The following DISC1 variants were observed in gnomAD, a reference collection of about 807,000 sequenced individuals.
The protein encoded by DISC1 is disrupted in schizophrenia 1 protein.
DISC1 carries 57 observed loss-of-function variants against 84.5 expected under a neutral mutation model. The ratio of observed to expected loss-of-function variants is 0.67; its 90% CI spans 0.55 to 0.84. DISC1 has a LOEUF of 0.84. Ranked by LOEUF, DISC1 falls within the 40% of genes least tolerant of loss-of-function variation. The probability of loss-of-function intolerance (pLI) is 0.00; values close to 1 mark genes in which losing one functional copy is unlikely to be tolerated. For synonymous variants in DISC1, 411 were observed against 415.2 expected, an observed-to-expected ratio of 0.99 and a Z score of 0.12; for missense variants, 1,000 against 1,057.8, an observed-to-expected ratio of 0.95 and a Z score of 0.76.
chr1:231,799,396 A>G (rs78322687), intron 7 of DISC1, among the ~76,000 whole-genome samples: 2,517 of 152,214 alleles, frequency 0.017, 84 homozygotes, highest in African/African-American at 0.058. Flanking sequence ...ACTATGTGCC[A>G]GGCACAGAGC....
At chr1:232,004,883 CCCTTCCTT>C (rs1247170763) in intron 10 of DISC1, among the ~76,000 whole-genome samples, 9 of 104,574 alleles carry the variant, frequency 8.6e-5, no homozygotes, top group East Asian at 2.6e-4. Flanking sequence ...CTCCCTCCCT[CCCTTCCTT>C]CCTTCCTTCC....
At chr1:231,681,345 C>T (rs2063668581) in intron 1 of DISC1, among the ~76,000 whole-genome samples, 1 of 151,958 alleles carries the variant, frequency 6.6e-6, no homozygotes, top group East Asian at 1.9e-4. Context: ...CTGTATTGGT[C>T]AGTGGAGAAC....
At chr1:231,777,997 G>C (rs2125505299) in intron 6 of DISC1, among the ~76,000 whole-genome samples, 1 of 152,312 alleles carries the variant, frequency 6.6e-6, no homozygotes, top group African/African-American at 2.4e-5. Flanking sequence ...GCCTTGGACA[G>C]AGTGCTTAGT....
chr1:231,922,233 C>T (rs2090053346), intron 9 of DISC1, among the ~76,000 whole-genome samples: 1 of 152,174 alleles, frequency 6.6e-6, no homozygotes, highest in Non-Finnish European at 1.5e-5. Context: ...ACTTACAGCT[C>T]CTGCTATGAA....
chr1:231,916,169 T>C (rs893367696), intron 9 of DISC1, among the ~76,000 whole-genome samples: 1 of 152,166 alleles, frequency 6.6e-6, no homozygotes, highest in Non-Finnish European at 1.5e-5. Context: ...CTTCTGCAAC[T>C]TGGGGGGCTT....
intron 9 of DISC1, among the ~76,000 whole-genome samples, chr1:231,825,685 T>A (rs1021484622): frequency 2.0e-5 from 3 of 152,108 alleles, no homozygotes; most frequent in Admixed American, 6.5e-5. Context: ...CATTTTTCAA[T>A]GCCCCCAGGT....
rs200013665 is a variant in DISC1 at position 231,751,352 on chromosome 1, T to G, written c.1268+1276T>G. Among the ~76,000 whole-genome samples, 59 of 152,362 alleles carry G rather than the reference T, an allele frequency of 3.9e-4. No individual in the cohort carries two copies. In the South Asian group the frequency reaches 4.6e-3, roughly 12 times the overall value. On this transcript the variant is annotated intron_variant, in intron 4 of 12. Transcript: ENST00000439617. The stretch of plus-strand genomic sequence containing the variant: ...ATAAATTTAGCTAATTTATTATGTT[T>G]CTATTTATTTAACAAACACTTTCAT...
At chr1:231,860,383 CCCAAAAT>C (rs965563800) in intron 9 of DISC1, among the ~76,000 whole-genome samples, 34 of 152,128 alleles carry the variant, frequency 2.2e-4, no homozygotes, top group African/African-American at 5.8e-4. Context: ...CATCTCTAAT[CCCAAAAT>C]CCAAAATCCA....
intron 1 of DISC1, among the ~76,000 whole-genome samples, chr1:231,662,542 G>T (rs2061646739): frequency 6.6e-6 from 1 of 152,202 alleles, no homozygotes; most frequent in Non-Finnish European, 1.5e-5. Flanking sequence ...TGGCAAAGCA[G>T]CTGTGCTGCA....
chr1:232,036,148 G>A (rs1670496929), intron 12 of DISC1, among the ~76,000 whole-genome samples: 1 of 152,204 alleles, frequency 6.6e-6, no homozygotes, highest in South Asian at 2.1e-4. Flanking sequence ...CATTTCAAGA[G>A]AAAACTGAGG....
chr1:231,632,166 A>G (rs922749141), intron 1 of DISC1, among the ~76,000 whole-genome samples: 14 of 152,222 alleles, frequency 9.2e-5, no homozygotes, highest in South Asian at 4.1e-4. Context: ...GTCATAGCCT[A>G]TACCATCTAG....
intron 12 of DISC1, among the ~76,000 whole-genome samples, chr1:232,028,030 T>C (rs930574071): frequency 6.6e-6 from 1 of 152,234 alleles, no homozygotes; most frequent in African/African-American, 2.4e-5. Context: ...GAAAAGCAGA[T>C]ATTCTGTTCT....
At chr1:231,722,418 A>G (rs1039609887) in intron 3 of DISC1, 1 of 1,490,020 alleles carries the variant, frequency 6.7e-7, no homozygotes, top group Middle Eastern at 1.7e-4. Flanking sequence ...CTTTCTACTT[A>G]TCCACACTCG....
intron 6 of DISC1, among the ~76,000 whole-genome samples, chr1:231,784,780 A>G (rs887752658): frequency 6.6e-6 from 1 of 152,148 alleles, no homozygotes; most frequent in Admixed American, 6.5e-5. Context: ...GGAAAGAGAT[A>G]ATGTGCTTTG....
intron 5 of DISC1, among the ~76,000 whole-genome samples, chr1:231,769,746 A>C (rs2076414759): frequency 6.6e-6 from 1 of 152,226 alleles, no homozygotes; most frequent in Non-Finnish European, 1.5e-5. Flanking sequence ...TACACTTAAA[A>C]ATGCTCAAGA....
chr1:231,747,539 C>A (rs907609775), intron 3 of DISC1, among the ~76,000 whole-genome samples: 2 of 152,098 alleles, frequency 1.3e-5, no homozygotes, highest in Non-Finnish European at 2.9e-5. Context: ...GTGTTTGGAA[C>A]CTTTGTCAAA....
chr1:231,878,673 C>T (rs1318434003), intron 9 of DISC1, among the ~76,000 whole-genome samples: 1 of 152,044 alleles, frequency 6.6e-6, no homozygotes, highest in Admixed American at 6.6e-5. Flanking sequence ...TGCAAGAAAG[C>T]ACCCATAGGG....
intron 4 of DISC1, among the ~76,000 whole-genome samples, chr1:231,752,050 A>G (rs1043661499): frequency 1.3e-5 from 2 of 152,254 alleles, no homozygotes; most frequent in African/African-American, 4.8e-5. Context: ...TGAGGGAGAC[A>G]CAAACCCAAC....
intron 1 of DISC1, among the ~76,000 whole-genome samples, chr1:231,672,470 A>C (rs1448116821): frequency 6.6e-6 from 1 of 152,134 alleles, no homozygotes; most frequent in African/African-American, 2.4e-5. Context: ...CTTCTCTCTT[A>C]TCTATTATCA....
Sources: gnomAD v4.1 joint callset for allele counts (sites outside exome capture counted in the v4.1 genomes callset) on GRCh38, gnomAD v4.1.1 for gene constraint, MANE v1.5 for transcripts, NCBI Gene and HGNC (gene_info 2026-07-23, HGNC 2026-07-21) for gene names.